The following GABRR2 variants were observed in gnomAD, a reference collection of about 807,000 sequenced individuals.
GABRR2 encodes gamma-aminobutyric acid receptor subunit rho-2.
In GABRR2, 36 loss-of-function variants were observed where a neutral mutation model predicts 47.0. The observed-to-expected ratio is 0.77, with a 90% CI of 0.59 to 1.01. GABRR2 has a LOEUF of 1.01. GABRR2 is among the 50% of genes least tolerant of loss of function. The pLI is 0.00. For synonymous variants in GABRR2, 204 were observed against 227.5 expected, an observed-to-expected ratio of 0.90 and a Z score of 0.93; for missense variants, 587 against 594.6, an observed-to-expected ratio of 0.99 and a Z score of 0.13.
At chr6:89,313,902 G>A (rs1393582118) in intron 1 of GABRR2, among the ~76,000 whole-genome samples, 1 of 152,092 alleles carries the variant, frequency 6.6e-6, no homozygotes, top group African/African-American at 2.4e-5. Flanking sequence ...GGGTGACAGA[G>A]AGTCCATCTC....
intron 2 of GABRR2, among the ~76,000 whole-genome samples, chr6:89,286,618 G>A (rs1582453428): frequency 6.6e-6 from 1 of 151,610 alleles, no homozygotes; most frequent in African/African-American, 2.4e-5. Flanking sequence ...ACCCAGCCCT[G>A]CCCCACTGCC....
rs894496255 is a variant in GABRR2, at chr6:89,269,107, A to T, written c.416T>A (p.Phe139Tyr). ...LVKKIWVPDV[F>Y]FVHSKRSFTH... ...GAACGATCTTTTGGAGTGAACAAAG[A>T]AGACATCAGGGACCCAGATCTTCTT... The change falls in exon 4 of 9, where the codon TTC (phenylalanine) becomes TAC (tyrosine). Residue 139 changes from phenylalanine to tyrosine, a missense_variant. By Grantham distance (22) the Phe-to-Tyr change is conservative (BLOSUM62 3). Transcript: ENST00000402938. 2.5e-6 allele frequency: 4 copies of T among 1,613,930 alleles called. No homozygotes were observed. In the African/African-American group the frequency reaches 5.3e-5, roughly 22 times the overall value.
At position 89,271,733 on chromosome 6, in the gene GABRR2, G is replaced by A. The variant is rs748706268; in HGVS notation, c.221-11C>T. 2 of 1,609,650 alleles carry A rather than the reference G, an allele frequency of 1.2e-6. No individual in the cohort carries two copies. The highest frequency in any genetic ancestry group is 1.7e-5 in the Admixed American group (1 of 59,672). On this transcript the variant is annotated splice_polypyrimidine_tract_variant and intron_variant, in intron 2 of 8. Transcript: ENST00000402938. ...CCGGGATGGCAGGGCCTGCAGAAGAGCAGAGACAGCTGGTTAAGGCACCTT... is the reference window on the plus strand; with the variant it reads ...CCGGGATGGCAGGGCCTGCAGAAGAACAGAGACAGCTGGTTAAGGCACCTT...
intron 1 of GABRR2, chr6:89,302,419 A>G: frequency 1.8e-6 from 1 of 567,554 alleles, no homozygotes; most frequent in Non-Finnish European, 3.5e-6. Context: ...CAGCACCCTC[A>G]GGCTGGCCAC....
intron 2 of GABRR2, among the ~76,000 whole-genome samples, chr6:89,289,095 C>T (rs997812991): frequency 6.6e-6 from 1 of 152,200 alleles, no homozygotes; most frequent in East Asian, 1.9e-4. Flanking sequence ...AAGCTGGGCT[C>T]TAGGCATGGT....
At chr6:89,295,326 G>T (rs1185501468) in intron 2 of GABRR2, among the ~76,000 whole-genome samples, 11 of 152,050 alleles carry the variant, frequency 7.2e-5, no homozygotes, top group South Asian at 2.1e-4. Flanking sequence ...TTTTAATGAT[G>T]GCCATTCTAA....
At chr6:89,309,842 A>G (rs1767649714) in intron 1 of GABRR2, among the ~76,000 whole-genome samples, 1 of 151,880 alleles carries the variant, frequency 6.6e-6, no homozygotes, top group African/African-American at 2.4e-5. Flanking sequence ...CAGTTGTGCA[A>G]TTGTAGCTCA....
At position 89,271,548 on chromosome 6, in the gene GABRR2, AT is replaced by A; in HGVS notation, c.288+106del. On this transcript the variant is annotated intron_variant, in intron 3 of 8. Transcript: ENST00000402938. Reference sequence around the variant, plus strand: ...CTCCAGGGCCGACTTCCAAGCGCCCATTTTATCACCTCCAGCTCCCGCTCTG... The same window carrying A: ...CTCCAGGGCCGACTTCCAAGCGCCCATTTATCACCTCCAGCTCCCGCTCTG... 4.1e-6 allele frequency: 4 copies of A among 986,308 alleles called. No homozygotes were observed. In the Admixed American group the frequency reaches 8.6e-5, roughly 21 times the overall value. 61.1% of individuals were successfully genotyped at this position (986,308 alleles called of 1,614,324 possible). A position where few individuals can be genotyped will look rare whatever the true frequency, so the allele number is the denominator to read the frequency against.
intron 7 of GABRR2, among the ~76,000 whole-genome samples, chr6:89,264,934 C>T (rs1773854382): frequency 2.0e-5 from 3 of 152,082 alleles, no homozygotes; most frequent in African/African-American, 7.2e-5. Flanking sequence ...TCAAACTTCT[C>T]ATCTTTAGAT....
At position 89,257,346 on chromosome 6, in the gene GABRR2, G is replaced by A. The variant is rs970356877; in HGVS notation, c.*324C>T. ...CACAACTGACTCCTAGGCAATCTGA[G>A]GGTCTAAGAATGTCTAGGAGGCATT... On this transcript the variant is annotated 3_prime_UTR_variant, in exon 9 of 9. Coordinates refer to ENST00000402938, the MANE Select transcript of GABRR2 (RefSeq NM_002043.5). 1.4e-5 allele frequency: 4 copies of A among 283,198 alleles called. No individual in the cohort carries two copies. The highest frequency in any genetic ancestry group is 2.6e-5 in the Non-Finnish European group (4 of 151,348). The allele number at this position is 283,198 out of a possible 1,614,324, so 17.5% of individuals were successfully genotyped here. A position where few individuals can be genotyped will look rare whatever the true frequency, so the allele number is the denominator to read the frequency against.
chr6:89,290,808 C>T (rs1774426594), intron 2 of GABRR2, among the ~76,000 whole-genome samples: 1 of 152,178 alleles, frequency 6.6e-6, no homozygotes, highest in Non-Finnish European at 1.5e-5. Context: ...CTGCATCCTT[C>T]TTTTGAAGGC....
At chr6:89,305,858 G>A (rs958302442) in intron 1 of GABRR2, among the ~76,000 whole-genome samples, 3 of 152,132 alleles carry the variant, frequency 2.0e-5, no homozygotes, top group East Asian at 1.9e-4. Context: ...ACGGGGCTTC[G>A]TACCTGGGTG....
rs1023443865 is a variant in GABRR2 at position 89,306,922 on chromosome 6, T to C, written c.114-7057A>G. On this transcript the variant is annotated intron_variant, in intron 1 of 8. Transcript: ENST00000402938. ...CACAGTACGTTACCTGTTCCTCTTA[T>C]AGGCTTTTGGTTTGTGCCTGGCACT... 4.6e-5 allele frequency among the ~76,000 whole-genome samples: 7 copies of C among 151,762 alleles called. No homozygotes were observed. In the South Asian group the frequency reaches 1.2e-3, roughly 27 times the overall value.
chr6:89,305,866 G>T (rs759680553), intron 1 of GABRR2, among the ~76,000 whole-genome samples: 1 of 152,042 alleles, frequency 6.6e-6, no homozygotes, highest in Admixed American at 6.6e-5. Context: ...TCGTACCTGG[G>T]TGTCAAAATC....
At chr6:89,273,488 GC>G (rs1273976773) in intron 2 of GABRR2, among the ~76,000 whole-genome samples, 2 of 152,192 alleles carry the variant, frequency 1.3e-5, no homozygotes, top group African/African-American at 4.8e-5. Flanking sequence ...GCCCGCCTCG[GC>G]CTCCCAAAGT....
At chr6:89,262,555 T>C (rs1773773619) in intron 8 of GABRR2, among the ~76,000 whole-genome samples, 1 of 152,274 alleles carries the variant, frequency 6.6e-6, no homozygotes. Flanking sequence ...AATTTATAAA[T>C]TTCTGATTTT....
chr6:89,301,739 C>T, intron 1 of GABRR2: 1 of 666,234 alleles, frequency 1.5e-6, no homozygotes, highest in South Asian at 1.5e-5. Context: ...GCAGCCAGCC[C>T]AGCCCGCCTG....
chr6:89,265,141 T>G (rs1401380664), intron 7 of GABRR2, among the ~76,000 whole-genome samples: 1 of 152,112 alleles, frequency 6.6e-6, no homozygotes, highest in Non-Finnish European at 1.5e-5. Flanking sequence ...GTTGTAAACT[T>G]TCACTCTGGA....
intron 2 of GABRR2, among the ~76,000 whole-genome samples, chr6:89,276,614 T>C (rs1344544053): frequency 6.6e-6 from 1 of 152,126 alleles, no homozygotes; most frequent in African/African-American, 2.4e-5. Flanking sequence ...AGAATGCCAT[T>C]GATGCCACTA....
Sources: gnomAD v4.1 joint callset for allele counts (sites outside exome capture counted in the v4.1 genomes callset) on GRCh38, gnomAD v4.1.1 for gene constraint, MANE v1.5 for transcripts, NCBI Gene and HGNC (gene_info 2026-07-23, HGNC 2026-07-21) for gene names.